CNGB1: variants seen among roughly 807,000 people sequenced by gnomAD.
CNGB1 encodes the protein cyclic nucleotide-gated channel beta-1.
Under a neutral mutation model 151.7 loss-of-function variants are expected in CNGB1, and 126 were observed. The observed-to-expected ratio is 0.83, with a 90% CI of 0.72 to 0.96. CNGB1 has a LOEUF of 0.96. Ranked by LOEUF, CNGB1 falls within the 40% of genes least tolerant of loss-of-function variation. CNGB1 has a pLI of 0.00. For missense variants in CNGB1, 1,698 were observed against 1,627.0 expected (o/e 1.04, Z -0.75); for synonymous variants, 623 against 635.1 (o/e 0.98, Z 0.29).
intron 29 of CNGB1, 22 bp from the exon 30 acceptor site, chr16:57,897,936 T>G: frequency 1.2e-6 from 2 of 1,611,016 alleles, no homozygotes; most frequent in Non-Finnish European, 1.7e-6. Context: ...AAGTGACAAG[T>G]CCCTCTGTTC....
Position 57,967,224 on chromosome 16 carries a change from C to T in CNGB1, c.63G>A (p.Met21Ile), listed in dbSNP as rs1054172648. Reference sequence around the variant, plus strand: ...CTGGTTCCACTTCCTCTTCCTCCTGCATCTTGGTCTTCCGAGGGGTCCCTG... The same window carrying T: ...CTGGTTCCACTTCCTCTTCCTCCTGTATCTTGGTCTTCCGAGGGGTCCCTG... ...QPPGTPRKTK[M>I]QEEEEVEPEP... The change falls in exon 2 of 33, where the codon ATG becomes ATA. Residue 21 changes from methionine (M) to isoleucine (I), a missense_variant. Transcript: ENST00000251102. 3 of 1,614,100 alleles carry T rather than the reference C, an allele frequency of 1.9e-6. No individual in the cohort carries two copies. The African/African-American group carries it at 4.0e-5, about 22-fold the overall frequency.
intron 10 of CNGB1, among the ~76,000 whole-genome samples, chr16:57,959,331 A>G (rs1962176995): frequency 6.6e-6 from 1 of 151,938 alleles, no homozygotes; most frequent in Admixed American, 6.6e-5. Flanking sequence ...AAGAGGAAGC[A>G]GGCCAGGCCG....
At chr16:57,932,213 T>C (rs1403251229) in intron 16 of CNGB1, among the ~76,000 whole-genome samples, 3 of 152,090 alleles carry the variant, frequency 2.0e-5, no homozygotes, top group South Asian at 2.1e-4. Flanking sequence ...CTCCAAGAGC[T>C]GAGGCAGTGG....
rs186225846 is a variant in CNGB1 at position 57,930,602 on chromosome 16, A to G, written c.1535+1114T>C. ...AGGGGGAAGAAAGGAAGGAAAAAAGAAAAGAAAATAAAAGAACAAAGAAAA... is the reference window on the plus strand; with the variant it reads ...AGGGGGAAGAAAGGAAGGAAAAAAGGAAAGAAAATAAAAGAACAAAGAAAA... On this transcript the variant is annotated intron_variant, in intron 17 of 32. Coordinates refer to ENST00000251102, the MANE Select transcript of CNGB1 (RefSeq NM_001297.5). 1.6e-3 allele frequency among the ~76,000 whole-genome samples: 249 copies of G among 152,104 alleles called. 1 individual carries two copies. The Middle Eastern group carries it at 0.017, about 10-fold the overall frequency.
chr16:57,952,404 T>C (rs1961972600), intron 12 of CNGB1, among the ~76,000 whole-genome samples: 1 of 152,004 alleles, frequency 6.6e-6, no homozygotes, highest in Non-Finnish European at 1.5e-5. Flanking sequence ...ATTGATGCTG[T>C]CCTTGCTTCC....
Position 57,960,437 on chromosome 16 carries a change from C to T in CNGB1, c.583+45G>A, listed in dbSNP as rs78137432. On this transcript the variant is annotated intron_variant, in intron 9 of 32. Transcript: ENST00000251102. ...GCCCAGTTGATCCCTGAGCCCAGCC[C>T]GTGACCATCCCAGGCAGCCCCCTCC... is the stretch of plus-strand genomic sequence containing the variant. The T allele has an allele frequency of 7.5e-3, 12,046 of 1,602,886 alleles. 531 individuals are homozygous for T. The African/African-American group carries it at 0.11, about 15-fold the overall frequency.
intron 17 of CNGB1, among the ~76,000 whole-genome samples, chr16:57,924,218 T>C (rs1961123808): frequency 6.6e-6 from 1 of 152,140 alleles, no homozygotes; most frequent in African/African-American, 2.4e-5. Flanking sequence ...TCCCACCCTC[T>C]GTCCCAGCAG....
chr16:57,893,853 T>C (rs113493531), intron 31 of CNGB1, among the ~76,000 whole-genome samples: 2 of 152,242 alleles, frequency 1.3e-5, no homozygotes, highest in Non-Finnish European at 2.9e-5. Flanking sequence ...TTATGACCTT[T>C]ATTTTACATA....
intron 14 of CNGB1, among the ~76,000 whole-genome samples, chr16:57,944,314 C>T (rs374561598): frequency 9.9e-5 from 15 of 152,062 alleles, no homozygotes; most frequent in African/African-American, 1.4e-4. Context: ...CTCACTTATA[C>T]GTGGAGTGTA....
chr16:57,953,556 A>G (rs1156713981), intron 12 of CNGB1, among the ~76,000 whole-genome samples: 1 of 151,606 alleles, frequency 6.6e-6, no homozygotes, highest in African/African-American at 2.4e-5. Flanking sequence ...TGCTTCCAGG[A>G]TCAGCAGGCA....
intron 26 of CNGB1, 125 bp from the exon 27 acceptor site, chr16:57,904,106 A>G (rs1960469086): frequency 1.3e-6 from 1 of 784,116 alleles, no homozygotes; most frequent in South Asian, 1.5e-5. Context: ...GGGCGTTGGG[A>G]GGGGGGTAGG....
intron 17 of CNGB1, among the ~76,000 whole-genome samples, chr16:57,927,468 C>A (rs1461411373): frequency 6.6e-6 from 1 of 152,228 alleles, no homozygotes; most frequent in Non-Finnish European, 1.5e-5. Flanking sequence ...TCACAGTCAA[C>A]CTGGCACTTG....
At chr16:57,887,448 T>G in intron 32 of CNGB1, among the ~76,000 whole-genome samples, 1 of 152,074 alleles carries the variant, frequency 6.6e-6, no homozygotes, top group South Asian at 2.1e-4. Flanking sequence ...CAGTGAGTCC[T>G]GGAACTTTTG....
chr16:57,958,726 C>A (rs1478807560), intron 10 of CNGB1, among the ~76,000 whole-genome samples: 1 of 130,636 alleles, frequency 7.7e-6, no homozygotes, highest in Non-Finnish European at 1.6e-5. Context: ...CCCACCCGTT[C>A]TCGGAAGGGA....
At chr16:57,909,399 T>C (rs1960645543) in intron 25 of CNGB1, among the ~76,000 whole-genome samples, 2 of 152,204 alleles carry the variant, frequency 1.3e-5, no homozygotes, top group South Asian at 4.1e-4. Flanking sequence ...AATAATTTTC[T>C]AAACTTTTTT....
At chr16:57,910,714 T>A (rs1462684707) in intron 25 of CNGB1, among the ~76,000 whole-genome samples, 1 of 148,038 alleles carries the variant, frequency 6.8e-6, no homozygotes, top group African/African-American at 2.5e-5. Flanking sequence ...GAGATTTTTT[T>A]AAATCTACCT....
chr16:57,892,211 T>A (rs889590983), intron 31 of CNGB1, among the ~76,000 whole-genome samples: 5 of 152,170 alleles, frequency 3.3e-5, no homozygotes, highest in Non-Finnish European at 7.3e-5. Context: ...ATTTTGCTGC[T>A]CTGGGCATGT....
intron 21 of CNGB1, 125 bp from the exon 22 acceptor site, chr16:57,916,304 G>A (rs1391768030): frequency 8.5e-6 from 8 of 941,102 alleles, no homozygotes; most frequent in Admixed American, 7.5e-5. Flanking sequence ...AGGACCATCT[G>A]AGCCTTGGTG....
intron 14 of CNGB1, among the ~76,000 whole-genome samples, chr16:57,944,810 C>T (rs1486469709): frequency 6.6e-6 from 1 of 151,634 alleles, no homozygotes; most frequent in Non-Finnish European, 1.5e-5. Context: ...AAAAATTAGC[C>T]AGGCACAGTG....
Sources: gnomAD v4.1 joint callset for allele counts (sites outside exome capture counted in the v4.1 genomes callset) on GRCh38, gnomAD v4.1.1 for gene constraint, MANE v1.5 for transcripts, NCBI Gene and HGNC (gene_info 2026-07-23, HGNC 2026-07-21) for gene names.